The following SP100 variants were observed in gnomAD, a reference collection of about 807,000 sequenced individuals.
The protein encoded by SP100 is nuclear autoantigen Sp-100.
SP100 carries 84 observed loss-of-function variants against 130.0 expected under a neutral mutation model. The ratio of observed to expected loss-of-function variants is 0.65; its 90% confidence interval spans 0.54 to 0.77. SP100 has a LOEUF of 0.77. Ranked by LOEUF, SP100 falls within the 30% of genes least tolerant of loss-of-function variation. The pLI is 0.00. For synonymous variants in SP100, 331 were observed against 351.7 expected (o/e 0.94, Z 0.66); for missense variants, 978 against 1,052.2 (o/e 0.93, Z 0.97).
chr2:230,443,000 C>G lies in SP100; in HGVS notation c.171C>G (p.Phe57Leu), dbSNP rs994537491. 1.2e-6 allele frequency: 2 copies of G among 1,613,712 alleles called. No individual in the cohort carries two copies. Among genetic ancestry groups the G allele is most frequent in the Admixed American group, 1.7e-5 (1 of 59,992 alleles). ...RLLYDIVFKH[F>L]KRNKVEISNA... Reference sequence around the variant, plus strand: ...TCTATGACATTGTATTCAAGCACTTCAAAAGAAATAAGGTGGAGATTTCAA... The same window carrying G: ...TCTATGACATTGTATTCAAGCACTTGAAAAGAAATAAGGTGGAGATTTCAA... Residue 57 changes from phenylalanine to leucine, a missense_variant, in exon 3 of 29, where the codon TTC (phenylalanine) becomes TTG (leucine). Phe to Leu is a conservative substitution (Grantham distance 22, BLOSUM62 0). Transcript: ENST00000340126.
rs566751643 is a variant in SP100 at position 230,479,533 on chromosome 2, T to G, written c.1600+5086T>G. Among the ~76,000 whole-genome samples, 3 of 152,302 alleles carry G rather than the reference T, an allele frequency of 2.0e-5. No homozygotes were observed. The East Asian group carries it at 5.8e-4, about 29-fold the overall frequency. ...AACCCTCCCACAACTTTTCTTTCCT[T>G]GTAAATTAGACCACAGCTGTACTAA... On this transcript the variant is annotated intron_variant, in intron 17 of 28. Coordinates refer to ENST00000340126, the MANE Select transcript of SP100 (RefSeq NM_001080391.2).
chr2:230,540,962 T>A lies in SP100; in HGVS notation c.2297T>A (p.Val766Asp). 2 of 1,613,436 alleles carry A rather than the reference T, an allele frequency of 1.2e-6. No individual in the cohort carries two copies. Among genetic ancestry groups the A allele is most frequent in the Non-Finnish European group, 1.7e-6 (2 of 1,179,464 alleles). ...ESQSGHQESEVLMRQMLPEEQ... is the reference protein window; with the variant it reads ...ESQSGHQESEDLMRQMLPEEQ... ...CAATCAGGTCATCAGGAATCTGAAG[T>A]CCTGATGAGGCAGATGCTGCCTGAG... Residue 766 changes from valine (V) to aspartate (D), a missense_variant, in exon 26 of 29, where the codon GTC becomes GAC. Physicochemically the swap from Val to Asp is radical, Grantham distance 152. Transcript: ENST00000340126.
At chr2:230,478,310 G>A (rs551638637) in intron 17 of SP100, among the ~76,000 whole-genome samples, 3 of 152,198 alleles carry the variant, frequency 2.0e-5, no homozygotes, top group Non-Finnish European at 4.4e-5. Context: ...ATTATGGCCA[G>A]GCCCAAAAAT....
At chr2:230,515,597 A>T (rs1690873080) in intron 24 of SP100, 2 of 1,602,890 alleles carry the variant, frequency 1.2e-6, no homozygotes, top group African/African-American at 1.3e-5. Flanking sequence ...GAAGATGAAG[A>T]GGATGAACAA....
Position 230,511,136 on chromosome 2 carries a change from A to C in SP100, c.2064A>C (p.Glu688Asp), listed in dbSNP as rs1690557635. The part of the protein sequence containing the change: ...PPSTRKKRIL[E>D]SHNNTLVDPC... Reference sequence around the variant, plus strand: ...GTTTTTTTCAACAGAGAATACTGGAATCTCACAACAATACCTTAGTTGACC... The same window carrying C: ...GTTTTTTTCAACAGAGAATACTGGACTCTCACAACAATACCTTAGTTGACC... Residue 688 changes from glutamate to aspartate, a missense_variant, in exon 24 of 29, where the codon GAA (glutamate) becomes GAC (aspartate). Coordinates refer to ENST00000340126, the MANE Select transcript of SP100 (RefSeq NM_001080391.2). 1.2e-6 allele frequency: 2 copies of C among 1,609,178 alleles called. No homozygotes were observed. The highest frequency in any genetic ancestry group is 1.7e-6 in the Non-Finnish European group (2 of 1,175,482).
chr2:230,446,402 C>T (rs368960522), intron 4 of SP100, among the ~76,000 whole-genome samples: 1 of 152,208 alleles, frequency 6.6e-6, no homozygotes, highest in Non-Finnish European at 1.5e-5. Flanking sequence ...AGCCACTGCA[C>T]GTGGCTGATT....
intron 24 of SP100, among the ~76,000 whole-genome samples, chr2:230,521,919 T>A (rs1691188509): frequency 6.6e-6 from 1 of 152,228 alleles, no homozygotes; most frequent in Non-Finnish European, 1.5e-5. Context: ...CAGCAAGATC[T>A]GCTCTTCTCT....
chr2:230,541,755 T>A (rs1457668049), intron 27 of SP100, 137 bp from the exon 28 acceptor site: 2 of 849,252 alleles, frequency 2.4e-6, no homozygotes, highest in African/African-American at 1.7e-5. Context: ...CTCCCAAAGG[T>A]CCCACCTCCT....
At chr2:230,530,405 C>T (rs1691647552) in intron 24 of SP100, among the ~76,000 whole-genome samples, 1 of 152,166 alleles carries the variant, frequency 6.6e-6, no homozygotes, top group South Asian at 2.1e-4. Context: ...GGACACCTTC[C>T]TTACACCTTA....
chr2:230,419,210 T>G (rs1361970242), intron 2 of SP100, among the ~76,000 whole-genome samples: 1 of 152,232 alleles, frequency 6.6e-6, no homozygotes, highest in African/African-American at 2.4e-5. Context: ...TTCAGTTACT[T>G]GCAGTAAAAC....
At chr2:230,425,191 A>G (rs1575587667) in intron 2 of SP100, among the ~76,000 whole-genome samples, 1 of 152,196 alleles carries the variant, frequency 6.6e-6, no homozygotes, top group Non-Finnish European at 1.5e-5. Context: ...CAAATTTCAA[A>G]TATGTAATAC....
At chr2:230,522,976 G>A (rs185438637) in intron 24 of SP100, among the ~76,000 whole-genome samples, 111 of 151,888 alleles carry the variant, frequency 7.3e-4, no homozygotes, top group Middle Eastern at 3.4e-3. Context: ...CAGCATGCCC[G>A]GCTAATTTTT....
At chr2:230,505,319 C>G (rs1374774713) in intron 21 of SP100, among the ~76,000 whole-genome samples, 1 of 152,228 alleles carries the variant, frequency 6.6e-6, no homozygotes, top group Non-Finnish European at 1.5e-5. Flanking sequence ...CACCTCAGTA[C>G]TTGGGTGGAA....
At chr2:230,464,819 G>A (rs1273926478) in intron 11 of SP100, among the ~76,000 whole-genome samples, 2 of 152,160 alleles carry the variant, frequency 1.3e-5, no homozygotes, top group East Asian at 3.9e-4. Context: ...ATGACCAGGC[G>A]CAGTGGCTCA....
At chr2:230,431,527 C>T (rs954461711) in intron 2 of SP100, among the ~76,000 whole-genome samples, 1 of 152,216 alleles carries the variant, frequency 6.6e-6, no homozygotes, top group Non-Finnish European at 1.5e-5. Flanking sequence ...TTCACAAAGG[C>T]ATCCTTGTCT....
Position 230,449,597 on chromosome 2 carries a change from C to T in SP100, c.623C>T (p.Pro208Leu). ...CCTGAAAATGGACTCTCAGAGCACC[C>T]CTGTGAAACAGAACAGATAAATGCA... Reference protein sequence around the residue: ...TPPENGLSEHPCETEQINAKR... With the variant: ...TPPENGLSEHLCETEQINAKR... The change falls in exon 7 of 29, where the codon CCC becomes CTC. Residue 208 changes from proline to leucine, a missense_variant. Transcript: ENST00000340126. 1 of 1,613,996 alleles carries T rather than the reference C, an allele frequency of 6.2e-7. No homozygotes were observed. Among genetic ancestry groups the T allele is most frequent in the East Asian group, 2.2e-5 (1 of 44,884 alleles).
In SP100 at chr2:230,512,149, G is replaced by A. The variant is rs945164801; in HGVS notation, c.2094+983G>A. ...CCCAAAGTGCTAGGATTACAGGCAT[G>A]AGCCACAGTGCTGGCCAGGAAGAAA... On this transcript the variant is annotated intron_variant, in intron 24 of 28. Transcript: ENST00000340126. Among the ~76,000 whole-genome samples, 4 of 152,098 alleles carry A rather than the reference G, an allele frequency of 2.6e-5. No homozygotes were observed. The East Asian group carries it at 5.8e-4, about 22-fold the overall frequency.
At chr2:230,528,206 G>T (rs1273795820) in intron 24 of SP100, among the ~76,000 whole-genome samples, 1 of 152,144 alleles carries the variant, frequency 6.6e-6, no homozygotes, top group African/African-American at 2.4e-5. Flanking sequence ...AAATGTAAAA[G>T]AATAGAAATC....
intron 2 of SP100, among the ~76,000 whole-genome samples, chr2:230,422,642 C>T (rs1046840831): frequency 4.6e-5 from 7 of 152,158 alleles, no homozygotes; most frequent in Non-Finnish European, 8.8e-5. Flanking sequence ...ATTTGATGCC[C>T]TTTTCTATTC....
Sources: gnomAD v4.1 joint callset for allele counts (sites outside exome capture counted in the v4.1 genomes callset) on GRCh38, gnomAD v4.1.1 for gene constraint, MANE v1.5 for transcripts, NCBI Gene and HGNC (gene_info 2026-07-23, HGNC 2026-07-21) for gene names.